VWF: variants seen among roughly 807,000 people sequenced by gnomAD.
VWF encodes von Willebrand factor, also known as Factor VIII related antigen.
A neutral mutation model predicts 308.6 loss-of-function variants in VWF; 176 were observed. The observed-to-expected ratio is 0.57, with a 90% CI of 0.50 to 0.65. The LOEUF (loss-of-function observed/expected upper bound fraction) is 0.65. Ranked by LOEUF, VWF falls within the 30% of genes least tolerant of loss-of-function variation. The pLI, the probability that VWF is intolerant of heterozygous loss-of-function variation, is 0.00. For synonymous variants in VWF, 1,385 were observed against 1,443.4 expected (o/e 0.96, Z 0.92); for missense variants, 3,146 against 3,648.2 (o/e 0.86, Z 3.55).
chr12:6,042,648 A>T (rs1384430276), intron 18 of VWF, among the ~76,000 whole-genome samples: 1 of 152,234 alleles, frequency 6.6e-6, no homozygotes, highest in Non-Finnish European at 1.5e-5. Context: ...CGTGACAGGT[A>T]TCCAAGTGCT....
chr12:6,042,537 G>A (rs536617607), intron 18 of VWF, among the ~76,000 whole-genome samples: 16 of 152,302 alleles, frequency 1.1e-4, no homozygotes, highest in South Asian at 4.1e-4. Flanking sequence ...TTGCACACTC[G>A]CCGGCATCGT....
chr12:5,993,721 G>A, intron 37 of VWF, 141 bp downstream of exon 37: 1 of 694,208 alleles, frequency 1.4e-6, no homozygotes. Flanking sequence ...CATCTTATTT[G>A]ATCCTAACTG....
intron 18 of VWF, among the ~76,000 whole-genome samples, chr12:6,042,108 A>AT (rs1279466747): frequency 6.6e-6 from 1 of 152,212 alleles, no homozygotes; most frequent in Non-Finnish European, 1.5e-5. Context: ...GGCTTCCGGT[A>AT]AAGACTGAAG....
chr12:5,994,016 A>G lies in VWF; in HGVS notation c.6444T>C (p.Ala2148=). The change falls in exon 37 of 52, where the codon GCT becomes GCC. Residue 2148 remains alanine (A), a synonymous_variant. Coordinates refer to ENST00000261405, the MANE Select transcript of VWF (RefSeq NM_000552.5). ...HCQVLLLPLF[A]ECHKVLAPAT... is the part of the protein sequence containing the mutation. Reference sequence around the variant, plus strand: ...CTGGAGCCAGGACCTTGTGGCATTCAGCAAACAGTGGTAAGAGGAGGACCT... The same window carrying G: ...CTGGAGCCAGGACCTTGTGGCATTCGGCAAACAGTGGTAAGAGGAGGACCT... 6.2e-7 allele frequency: 1 copy of G among 1,614,224 alleles called. No homozygotes were observed. Among genetic ancestry groups the G allele is most frequent in the Non-Finnish European group, 8.5e-7 (1 of 1,180,052 alleles).
At chr12:6,038,929 G>T (rs1017238133) in intron 18 of VWF, among the ~76,000 whole-genome samples, 2 of 152,158 alleles carry the variant, frequency 1.3e-5, no homozygotes, top group African/African-American at 4.8e-5. Context: ...AACACCCAGA[G>T]AATCCCAAAG....
chr12:6,034,784 A>G lies in VWF; in HGVS notation c.2589T>C (p.Cys863=). The G allele has an allele frequency of 6.2e-7, 1 of 1,614,230 alleles. No individual in the cohort carries two copies. The highest frequency in any genetic ancestry group is 8.5e-7 in the Non-Finnish European group (1 of 1,180,038). ...TGCCGATCGTGGAGCACGTGGCATC[A>G]CACACATGGTCTGTGCAGTTCCACT... is the stretch of plus-strand genomic sequence containing the variant. The part of the protein sequence containing the change: ...DRKWNCTDHV[C]DATCSTIGMA... The change falls in exon 20 of 52, where the codon TGT becomes TGC. Residue 863 remains cysteine (C), a synonymous_variant. Coordinates refer to ENST00000261405, the MANE Select transcript of VWF (RefSeq NM_000552.5).
At chr12:5,985,210 G>A (rs1261659386) in intron 39 of VWF, 91 bp from the exon 40 acceptor site, 11 of 1,340,982 alleles carry the variant, frequency 8.2e-6, no homozygotes, top group Non-Finnish European at 1.2e-5. Flanking sequence ...CTGAAAACTA[G>A]TAGGAGTTCT....
intron 18 of VWF, among the ~76,000 whole-genome samples, chr12:6,037,112 G>C (rs1469566907): frequency 1.3e-5 from 2 of 152,102 alleles, no homozygotes; most frequent in African/African-American, 4.8e-5. Context: ...TATACATATG[G>C]TTCCAAATGT....
chr12:6,057,971 AGG>A lies in VWF; in HGVS notation c.1605_1606del (p.Leu536TyrfsTer113). The A allele has an allele frequency of 6.2e-7, 1 of 1,613,710 alleles. No homozygotes were observed. Among genetic ancestry groups the A allele is most frequent in the Non-Finnish European group, 8.5e-7 (1 of 1,180,030 alleles). On this transcript the variant is annotated frameshift_variant, in exon 14 of 52. Transcript: ENST00000261405. LOFTEE classifies it high-confidence loss of function. ...GGGCTCCGCCAGCCCAGAGGGGGTA[AGG>A]AAGTCGTCGCCCTGGTTGCCATTGT...
chr12:5,980,982 A>T (rs1943598744), intron 42 of VWF, among the ~76,000 whole-genome samples: 1 of 152,172 alleles, frequency 6.6e-6, no homozygotes, highest in African/African-American at 2.4e-5. Context: ...CACCTATAAG[A>T]CTGCTGTTTG....
At chr12:5,949,724 A>C (rs1943157784) in intron 51 of VWF, 62 bp downstream of exon 51, 1 of 1,474,810 alleles carries the variant, frequency 6.8e-7, no homozygotes, top group Admixed American at 1.7e-5. Context: ...AACTAAGGAT[A>C]GGTATCCGAA....
At chr12:6,097,150 G>C (rs114249506) in intron 5 of VWF, among the ~76,000 whole-genome samples, 12,709 of 152,130 alleles carry the variant, frequency 0.084, 1,031 homozygotes, top group African/African-American at 0.21. Context: ...ATAAGAGATG[G>C]GTAGAGGCCG....
chr12:6,004,729 T>TATAGATAC (rs1336565134), intron 34 of VWF, among the ~76,000 whole-genome samples: 2 of 151,394 alleles, frequency 1.3e-5, no homozygotes, highest in Non-Finnish European at 2.9e-5. Flanking sequence ...TATATAGATA[T>TATAGATAC]ATAGATGTTA....
chr12:5,966,072 G>T (rs907399206), intron 47 of VWF, among the ~76,000 whole-genome samples: 1 of 152,178 alleles, frequency 6.6e-6, no homozygotes, highest in Non-Finnish European at 1.5e-5. Context: ...GGCACTGCAG[G>T]GAGTGAGCGG....
chr12:6,025,924 C>A lies in VWF; in HGVS notation c.3090G>T (p.Gln1030His), dbSNP rs762852594. 1 of 1,614,030 alleles carries A rather than the reference C, an allele frequency of 6.2e-7. No individual in the cohort carries two copies. Among genetic ancestry groups the A allele is most frequent in the South Asian group, 1.1e-5 (1 of 91,082 alleles). The change falls in exon 23 of 52, where the codon CAG becomes CAT. Residue 1030 changes from glutamine (Q) to histidine (H), a missense_variant. Physicochemically the swap from Gln to His is conservative, Grantham distance 24. Coordinates refer to ENST00000261405, the MANE Select transcript of VWF (RefSeq NM_000552.5). ...DFGNSWKVSS[Q>H]CADTRKVPLD... ...GACGTACTTTTCTGGTGTCAGCACACTGCGAGCTCACTTTCCAGGAGTTCC... is the reference window on the plus strand; with the variant it reads ...GACGTACTTTTCTGGTGTCAGCACAATGCGAGCTCACTTTCCAGGAGTTCC...
chr12:6,029,276 G>C (rs780684103), intron 22 of VWF, 66 bp downstream of exon 22: 285 of 1,606,492 alleles, frequency 1.8e-4, no homozygotes, highest in Non-Finnish European at 2.3e-4. Context: ...AGAGACCTAC[G>C]ATCAGGGAGC....
intron 39 of VWF, 107 bp downstream of exon 39, chr12:5,985,456 G>A: frequency 8.1e-7 from 1 of 1,231,214 alleles, no homozygotes; most frequent in South Asian, 1.3e-5. Flanking sequence ...AGGACTCTAG[G>A]TGCCAGTGTT....
intron 9 of VWF, among the ~76,000 whole-genome samples, chr12:6,071,996 A>G (rs1033228436): frequency 3.3e-5 from 5 of 152,148 alleles, no homozygotes; most frequent in African/African-American, 1.2e-4. Flanking sequence ...AGAAGGACCT[A>G]CGTACTGCTT....
intron 22 of VWF, 125 bp downstream of exon 22, chr12:6,029,217 T>C (rs1944229098): frequency 3.2e-6 from 4 of 1,233,616 alleles, no homozygotes; most frequent in South Asian, 2.4e-5. Context: ...CTATCCTAAA[T>C]ATATATGCAC....
Sources: gnomAD v4.1 joint callset for allele counts (sites outside exome capture counted in the v4.1 genomes callset) on GRCh38, gnomAD v4.1.1 for gene constraint, MANE v1.5 for transcripts, NCBI Gene and HGNC (gene_info 2026-07-23, HGNC 2026-07-21) for gene names.